OPRM1: variants seen among roughly 807,000 people sequenced by gnomAD.
OPRM1 encodes the protein mu-type opioid receptor.
Under a neutral mutation model 31.8 loss-of-function variants are expected in OPRM1, and 27 were observed. The ratio of observed to expected loss-of-function variants is 0.85; its 90% confidence interval spans 0.63 to 1.17. OPRM1 has a LOEUF of 1.17. Among genes scored for constraint, OPRM1 ranks in the 50% most tolerant of loss-of-function variants. The pLI, the probability that OPRM1 is intolerant of heterozygous loss-of-function variation, is 0.00. For synonymous variants in OPRM1, 196 were observed against 189.9 expected (o/e 1.03, Z -0.26); for missense variants, 536 against 511.1 (o/e 1.05, Z -0.47).
chr6:154,159,002 C>T (rs1798824891), intron 3 of OPRM1: 1 of 152,126 alleles, frequency 6.6e-6, no homozygotes, highest in Admixed American at 6.5e-5. Context: ...TATAAATTCA[C>T]ACTATGTATA....
Position 154,132,302 on chromosome 6 carries a change from T to A in OPRM1, c.*13581T>A, listed in dbSNP as rs1797941780. Among the ~76,000 whole-genome samples, 3 of 152,340 alleles carry A rather than the reference T, an allele frequency of 2.0e-5. No individual in the cohort carries two copies. In the South Asian group the frequency reaches 6.2e-4, roughly 32 times the overall value. ...TAGGCTGTATTGTAAGTTTCCTGCA[T>A]GTAATATGTAATGTGTAATTATATG... On this transcript the variant is annotated 3_prime_UTR_variant, in exon 4 of 4. Transcript: ENST00000330432.
intron 3 of OPRM1, among the ~76,000 whole-genome samples, chr6:154,151,216 G>A (rs1321164998): frequency 6.6e-6 from 1 of 152,344 alleles, no homozygotes; most frequent in Non-Finnish European, 1.5e-5. Context: ...TGGAAGCAAA[G>A]CCTGAGAAAT....
intron 1 of OPRM1, 91 bp downstream of exon 1, chr6:154,039,925 GGAGGAT>G: frequency 8.0e-7 from 1 of 1,242,662 alleles, no homozygotes; most frequent in Non-Finnish European, 1.1e-6. Context: ...ATGTTGGGCG[GGAGGAT>G]GAAAGAGGGG....
chr6:154,212,221 T>C (rs1167542727), intron 3 of OPRM1, among the ~76,000 whole-genome samples: 2 of 152,198 alleles, frequency 1.3e-5, no homozygotes, highest in Non-Finnish European at 2.9e-5. Context: ...CATTAATTAA[T>C]AATGTGAACT....
intron 3 of OPRM1, chr6:154,222,825 C>A (rs1158836151): frequency 6.9e-6 from 2 of 288,030 alleles, no homozygotes; most frequent in East Asian, 7.2e-5. Context: ...TCGGGTGAGT[C>A]CTATTTAACT....
chr6:154,133,350 G>A (rs1200521288), downstream of OPRM1, among the ~76,000 whole-genome samples: 1 of 152,040 alleles, frequency 6.6e-6, no homozygotes, highest in African/African-American at 2.4e-5. Context: ...ATTACCTAAC[G>A]ATTAAAGTCC....
chr6:154,035,798 T>C (rs1779268504), upstream of OPRM1, among the ~76,000 whole-genome samples: 1 of 152,130 alleles, frequency 6.6e-6, no homozygotes, highest in Non-Finnish European at 1.5e-5. Context: ...TGAAAAATGT[T>C]GCATGATATG....
chr6:154,022,445 C>A (rs1189838311), intron 1 of OPRM1, among the ~76,000 whole-genome samples: 1 of 143,860 alleles, frequency 7.0e-6, no homozygotes, highest in Admixed American at 6.7e-5. Flanking sequence ...TTGTTGTATT[C>A]TGTTTATTAA....
chr6:154,221,257 A>G, intron 3 of OPRM1: 8 of 1,613,348 alleles, frequency 5.0e-6, no homozygotes, highest in Non-Finnish European at 6.8e-6. Flanking sequence ...CTCTACTTAC[A>G]CGTTCATTTC....
intron 3 of OPRM1, chr6:154,093,349 C>A (rs745560489): frequency 6.2e-7 from 1 of 1,614,162 alleles, no homozygotes; most frequent in South Asian, 1.1e-5. Context: ...CTGCAAGGAC[C>A]TCTTGTCAGA....
chr6:154,042,931 GA>G (rs1054364635), intron 1 of OPRM1, among the ~76,000 whole-genome samples: 32 of 151,836 alleles, frequency 2.1e-4, no homozygotes, highest in African/African-American at 3.4e-4. Context: ...GAACTGTAAA[GA>G]AAAAAAATCA....
intron 3 of OPRM1, among the ~76,000 whole-genome samples, chr6:154,171,943 T>A (rs1384199305): frequency 1.3e-5 from 2 of 152,142 alleles, no homozygotes; most frequent in East Asian, 3.9e-4. Context: ...ATTTTTGAAT[T>A]AAGGAATATA....
chr6:154,211,442 T>C (rs1259076885), intron 3 of OPRM1, among the ~76,000 whole-genome samples: 2 of 149,984 alleles, frequency 1.3e-5, no homozygotes, highest in East Asian at 3.9e-4. Flanking sequence ...AGGAAAAGCA[T>C]GTCCTATAAA....
intron 3 of OPRM1, among the ~76,000 whole-genome samples, chr6:154,193,936 A>G (rs1035693118): frequency 3.4e-5 from 5 of 149,190 alleles, no homozygotes; most frequent in African/African-American, 1.2e-4. Flanking sequence ...ATTAAAAGGG[A>G]TGTCCAACAT....
chr6:154,022,063 G>T (rs951167727), intron 1 of OPRM1, among the ~76,000 whole-genome samples: 6 of 152,192 alleles, frequency 3.9e-5, no homozygotes, highest in Admixed American at 3.9e-4. Flanking sequence ...CCTTATCTTA[G>T]TGGGAAAGCT....
At position 154,124,176 on chromosome 6, in the gene OPRM1, A is replaced by C. The variant is rs1159538386; in HGVS notation, c.*5455A>C. ...TTTCCACACAATATTGAATAAATGC[A>C]GTGTATACATTTTTAAAGGAATTTT... On this transcript the variant is annotated 3_prime_UTR_variant, in exon 4 of 4. Transcript: ENST00000330432. Among the ~76,000 whole-genome samples the C allele has an allele frequency of 6.6e-6, 1 of 152,240 alleles. No homozygotes were observed. Among genetic ancestry groups the C allele is most frequent in the Non-Finnish European group, 1.5e-5 (1 of 68,038 alleles).
At chr6:154,013,084 T>C (rs1356872352) in intron 1 of OPRM1, among the ~76,000 whole-genome samples, 2 of 152,196 alleles carry the variant, frequency 1.3e-5, no homozygotes, top group Non-Finnish European at 2.9e-5. Flanking sequence ...TAATATTTAT[T>C]GCATCATATC....
intron 1 of OPRM1, among the ~76,000 whole-genome samples, chr6:154,032,974 AG>A (rs1779096146): frequency 6.6e-6 from 1 of 152,222 alleles, no homozygotes; most frequent in Non-Finnish European, 1.5e-5. Flanking sequence ...ACAGAGCTAG[AG>A]ATGTAGGTTG....
intron 3 of OPRM1, chr6:154,093,118 T>G: frequency 4.8e-6 from 3 of 630,446 alleles, no homozygotes; most frequent in Non-Finnish European, 5.3e-6. Context: ...GGGATTTAAA[T>G]AGATTTTCAC....
Sources: gnomAD v4.1 joint callset for allele counts (sites outside exome capture counted in the v4.1 genomes callset) on GRCh38, gnomAD v4.1.1 for gene constraint, MANE v1.5 for transcripts, NCBI Gene and HGNC (gene_info 2026-07-23, HGNC 2026-07-21) for gene names.